Variants in EFHC1 observed in about 807,000 individuals in gnomAD.
The protein encoded by EFHC1 is EF-hand domain containing 1.
Under a neutral mutation model 69.9 loss-of-function variants are expected in EFHC1, and 53 were observed. The observed-to-expected ratio is 0.76, with a 90% confidence interval of 0.61 to 0.95. The LOEUF (loss-of-function observed/expected upper bound fraction) is 0.95, where lower values mean the gene tolerates loss of function less well. Among genes scored for constraint, EFHC1 ranks in the 40% least tolerant of loss-of-function variants. The probability of loss-of-function intolerance (pLI) is 0.00; values close to 1 mark genes in which losing one functional copy is unlikely to be tolerated. For synonymous variants in EFHC1, 256 were observed against 278.4 expected, an observed-to-expected ratio of 0.92 and a Z score of 0.80; for missense variants, 739 against 798.7, an observed-to-expected ratio of 0.93 and a Z score of 0.90.
chr6:52,460,751 A>G (rs1351873185), intron 5 of EFHC1, among the ~76,000 whole-genome samples: 1 of 152,220 alleles, frequency 6.6e-6, no homozygotes, highest in Non-Finnish European at 1.5e-5. Flanking sequence ...TTTAATGCCT[A>G]GAGAAACTGT....
Position 52,492,044 on chromosome 6 carries a change from G to C in EFHC1, c.1852-226G>C, listed in dbSNP as rs1011427413. 2.0e-5 allele frequency among the ~76,000 whole-genome samples: 3 copies of C among 152,182 alleles called. No individual in the cohort carries two copies. In the East Asian group the frequency reaches 5.8e-4, roughly 29 times the overall value. On this transcript the variant is annotated intron_variant, in intron 10 of 10. Coordinates refer to ENST00000371068, the MANE Select transcript of EFHC1 (RefSeq NM_018100.4). The stretch of plus-strand genomic sequence containing the variant: ...GCTCATTCTTTCGGCCTTCAACAGG[G>C]AAGGTCATTTACTCCATCCAGCTTT...
intron 7 of EFHC1, among the ~76,000 whole-genome samples, chr6:52,477,119 C>A (rs1233241779): frequency 6.6e-6 from 1 of 152,002 alleles, no homozygotes; most frequent in Non-Finnish European, 1.5e-5. Context: ...CCCCAACCCC[C>A]CGGTATGCCC....
chr6:52,436,049 G>A (rs1322561786), intron 2 of EFHC1, among the ~76,000 whole-genome samples: 1 of 152,060 alleles, frequency 6.6e-6, no homozygotes, highest in Non-Finnish European at 1.5e-5. Context: ...AAATAAGTGG[G>A]GTTGGGCTAG....
intron 5 of EFHC1, among the ~76,000 whole-genome samples, chr6:52,456,946 A>AT (rs537959911): frequency 8.7e-4 from 132 of 152,308 alleles, no homozygotes; most frequent in Non-Finnish European, 1.5e-3. Context: ...GTCATGAGGT[A>AT]CAGAAAAGGC....
chr6:52,464,078 A>C (rs556701613), intron 5 of EFHC1, among the ~76,000 whole-genome samples: 2 of 152,208 alleles, frequency 1.3e-5, no homozygotes, highest in Non-Finnish European at 2.9e-5. Flanking sequence ...GGTTACAACT[A>C]TAAGATGTGG....
intron 3 of EFHC1, among the ~76,000 whole-genome samples, chr6:52,440,677 T>C (rs1764642417): frequency 6.6e-6 from 1 of 152,154 alleles, no homozygotes; most frequent in Non-Finnish European, 1.5e-5. Flanking sequence ...GGTCAAATGG[T>C]AGTTCTGTTT....
In EFHC1 at chr6:52,465,122, A is replaced by C; in HGVS notation, c.1137+7A>C. 6.2e-7 allele frequency: 1 copy of C among 1,612,254 alleles called. No individual in the cohort carries two copies. ...ACCACCTCCAGTAAAACAGGTAATC[A>C]GATAGTACTTCTTAGTGTGGTGAGA... On this transcript the variant is annotated splice_region_variant and intron_variant, in intron 6 of 10. Transcript: ENST00000371068.
chr6:52,452,905 G>T (rs745734656), intron 4 of EFHC1, 68 bp downstream of exon 4: 3 of 1,610,010 alleles, frequency 1.9e-6, no homozygotes, highest in Non-Finnish European at 2.5e-6. Flanking sequence ...TTGGCAAAAG[G>T]TTTGGGTAGC....
At chr6:52,459,299 G>A (rs1765109704) in intron 5 of EFHC1, among the ~76,000 whole-genome samples, 1 of 152,152 alleles carries the variant, frequency 6.6e-6, no homozygotes, top group African/African-American at 2.4e-5. Context: ...TAAAGATTGG[G>A]AAAAATATTT....
intron 7 of EFHC1, among the ~76,000 whole-genome samples, chr6:52,471,900 ATAAAAT>A (rs1282756155): frequency 6.6e-6 from 1 of 151,322 alleles, no homozygotes; most frequent in African/African-American, 2.4e-5. Context: ...TAACTAAATA[ATAAAAT>A]TAAAAAAAAA....
intron 2 of EFHC1, among the ~76,000 whole-genome samples, chr6:52,434,010 A>G (rs755920941): frequency 6.6e-6 from 1 of 151,920 alleles, no homozygotes; most frequent in Admixed American, 6.6e-5. Flanking sequence ...CAAAGGTCCA[A>G]TCTCACTCCC....
intron 7 of EFHC1, among the ~76,000 whole-genome samples, chr6:52,472,623 A>G (rs1013560028): frequency 1.3e-5 from 2 of 152,042 alleles, no homozygotes; most frequent in African/African-American, 4.8e-5. Context: ...AACACCTAAA[A>G]GATGTATCTT....
chr6:52,479,335 G>A, intron 8 of EFHC1, 85 bp downstream of exon 8: 2 of 1,439,286 alleles, frequency 1.4e-6, no homozygotes, highest in Non-Finnish European at 1.9e-6. Context: ...CCCTGTAAGA[G>A]GCAATTAGAT....
intron 3 of EFHC1, among the ~76,000 whole-genome samples, chr6:52,449,513 A>T (rs955719817): frequency 6.6e-6 from 1 of 152,084 alleles, no homozygotes; most frequent in Non-Finnish European, 1.5e-5. Context: ...GCTTGTTATC[A>T]GTCTGTTCAG....
At chr6:52,471,059 T>C (rs60518098) in intron 7 of EFHC1, among the ~76,000 whole-genome samples, 4,435 of 152,330 alleles carry the variant, frequency 0.029, 116 homozygotes, top group East Asian at 0.14. Context: ...ACTAGCAAGA[T>C]GTGAAGAATC....
intron 5 of EFHC1, among the ~76,000 whole-genome samples, chr6:52,456,486 T>C (rs1483602459): frequency 6.6e-6 from 1 of 152,258 alleles, no homozygotes; most frequent in East Asian, 1.9e-4. Context: ...TCCAGGTTTG[T>C]CTCTGCTTTA....
Position 52,490,350 on chromosome 6 carries a change from G to C in EFHC1, c.1851G>C (p.Glu617Asp), listed in dbSNP as rs1415036947. ...NVPVDDSLVK[E>D]LIRMCSHGEG... is the part of the protein sequence containing the mutation. The stretch of plus-strand genomic sequence containing the variant: ...CAGTGGATGACTCCTTGGTTAAGGA[G>C]GTCAGTATGAATTACTCTTCTGAGT... The change falls in exon 10 of 11, where the codon GAG (glutamate) becomes GAC (aspartate). Residue 617 changes from glutamate (E) to aspartate (D), a missense_variant and splice_region_variant. Glu to Asp is a conservative substitution (Grantham distance 45, BLOSUM62 2). Transcript: ENST00000371068. The C allele has an allele frequency of 1.2e-6, 2 of 1,613,174 alleles. No individual in the cohort carries two copies. The highest frequency in any genetic ancestry group is 1.7e-6 in the Non-Finnish European group (2 of 1,179,290).
rs60720755 is a variant in EFHC1, at chr6:52,493,386, T to TATATATATCTATATATATATA, written c.*1045_*1046insATATATATCTATATATATATA. 3 of 120,230 alleles carry TATATATATCTATATATATATA rather than the reference T, an allele frequency of 2.5e-5. No homozygotes were observed. The highest frequency in any genetic ancestry group is 1.3e-4 in the African/African-American group (3 of 23,042). 7.4% of individuals were successfully genotyped at this position (120,230 alleles called of 1,614,324 possible). A position where few individuals can be genotyped will look rare whatever the true frequency, so the allele number is the denominator to read the frequency against. On this transcript the variant is annotated 3_prime_UTR_variant, in exon 11 of 11. Transcript: ENST00000371068. ...TCTACATATATATATATATATATAT[T>TATATATATCTATATATATATA]TTATATGTACACATTCATACACACA... is the stretch of plus-strand genomic sequence containing the variant.
At chr6:52,468,593 G>A (rs1414243929) in intron 6 of EFHC1, 1 of 152,312 alleles carries the variant, frequency 6.6e-6, no homozygotes, top group East Asian at 1.9e-4. Context: ...CTCTCATTGT[G>A]TGGTGTTGGT....
Sources: gnomAD v4.1 joint callset for allele counts (sites outside exome capture counted in the v4.1 genomes callset) on GRCh38, gnomAD v4.1.1 for gene constraint, MANE v1.5 for transcripts, NCBI Gene and HGNC (gene_info 2026-07-23, HGNC 2026-07-21) for gene names.